IFNAR1: variants seen among roughly 807,000 people sequenced by gnomAD.
IFNAR1 encodes interferon alpha/beta receptor 1.
A neutral mutation model predicts 62.1 loss-of-function variants in IFNAR1; 47 were observed. The ratio of observed to expected loss-of-function variants is 0.76; its 90% confidence interval spans 0.60 to 0.97. The LOEUF (loss-of-function observed/expected upper bound fraction) is 0.97. Ranked by LOEUF, IFNAR1 falls within the 50% of genes least tolerant of loss-of-function variation. IFNAR1 has a pLI of 0.00. For missense variants in IFNAR1, 638 were observed against 654.5 expected (o/e 0.97, Z 0.27); for synonymous variants, 219 against 226.9 (o/e 0.97, Z 0.31).
At chr21:33,351,633 C>T (rs1266278698) in intron 8 of IFNAR1, among the ~76,000 whole-genome samples, 1 of 151,240 alleles carries the variant, frequency 6.6e-6, no homozygotes, top group Non-Finnish European at 1.5e-5. Flanking sequence ...ACTGCAGCCT[C>T]GACTTCCTGG....
At chr21:33,342,562 T>G (rs1348374228) in intron 3 of IFNAR1, among the ~76,000 whole-genome samples, 1 of 151,862 alleles carries the variant, frequency 6.6e-6, no homozygotes, top group Non-Finnish European at 1.5e-5. Context: ...CCACTCTTTT[T>G]GGCCAGGCGC....
rs746333531 is a variant in IFNAR1, at chr21:33,335,541, T to C, written c.94T>C (p.Ser32Pro). Residue 32 changes from serine (S) to proline (P), a missense_variant, in exon 2 of 11, where the codon TCT becomes CCT. Transcript: ENST00000270139. ...TTTTATAGGTGGAAAAAATCTAAAA[T>C]CTCCTCAAAAAGTAGAGGTCGACAT... The part of the protein sequence containing the change: ...SAAAGGKNLK[S>P]PQKVEVDIID... 6.3e-7 allele frequency: 1 copy of C among 1,594,596 alleles called. No homozygotes were observed. The highest frequency in any genetic ancestry group is 1.1e-5 in the South Asian group (1 of 88,470).
At chr21:33,333,258 G>C (rs1482562865) in intron 1 of IFNAR1, among the ~76,000 whole-genome samples, 2 of 152,188 alleles carry the variant, frequency 1.3e-5, no homozygotes, top group African/African-American at 4.8e-5. Flanking sequence ...GAATGAGGGA[G>C]AAATACAGTT....
intron 3 of IFNAR1, among the ~76,000 whole-genome samples, chr21:33,342,580 C>T (rs1049920778): frequency 5.9e-5 from 9 of 151,902 alleles, no homozygotes; most frequent in South Asian, 2.1e-4. Context: ...CGCGGTGGCT[C>T]ACGCCTGTAA....
At position 33,342,503 on chromosome 21, in the gene IFNAR1, A is replaced by G. The variant is rs140780599; in HGVS notation, c.377-765A>G. Among the ~76,000 whole-genome samples the G allele has an allele frequency of 1.1e-3, 170 of 152,110 alleles. 1 individual carries two copies. The highest frequency in any genetic ancestry group is 3.9e-3 in the African/African-American group (161 of 41,494). On this transcript the variant is annotated intron_variant, in intron 3 of 10. Coordinates refer to ENST00000270139, the MANE Select transcript of IFNAR1 (RefSeq NM_000629.3). ...ACTCCCTTTCTATACTAATCTTCCA[A>G]TTCCCTGTCAGCCCTCTCCATTCAA...
chr21:33,335,393 T>C, intron 1 of IFNAR1, 131 bp from the exon 2 acceptor site: 1 of 510,480 alleles, frequency 2.0e-6, no homozygotes, highest in South Asian at 4.9e-5. Flanking sequence ...TTAGTTTTTT[T>C]AGATTTTTAA....
chr21:33,352,869 A>C lies in IFNAR1; in HGVS notation c.1255A>C (p.Ser419Arg). The C allele has an allele frequency of 6.2e-7, 1 of 1,602,300 alleles. No individual in the cohort carries two copies. The highest frequency in any genetic ancestry group is 8.5e-7 in the Non-Finnish European group (1 of 1,171,948). The change falls in exon 9 of 11, where the codon AGT (serine) becomes CGT (arginine). Residue 419 changes from serine (S) to arginine (R), a missense_variant. Ser to Arg is a moderately radical substitution (Grantham distance 110). Coordinates refer to ENST00000270139, the MANE Select transcript of IFNAR1 (RefSeq NM_000629.3). The stretch of plus-strand genomic sequence containing the variant: ...CATGGATGAAAAGCTGAATAAAAGC[A>C]GTGTTTTTAGTGACGCTGTATGTGA... ...HTMDEKLNKS[S>R]VFSDAVCEKT...
chr21:33,340,607 T>A (rs2083284528), intron 2 of IFNAR1, among the ~76,000 whole-genome samples: 1 of 151,860 alleles, frequency 6.6e-6, no homozygotes, highest in Non-Finnish European at 1.5e-5. Context: ...GAAGATAAGA[T>A]CCAGAAACAC....
At position 33,352,837 on chromosome 21, in the gene IFNAR1, C is replaced by T. The variant is rs780837052; in HGVS notation, c.1223C>T (p.Ala408Val). The change falls in exon 9 of 11, where the codon GCA (alanine) becomes GTA (valine). Residue 408 changes from alanine to valine, a missense_variant. Ala to Val is a moderately conservative substitution (Grantham distance 64). Coordinates refer to ENST00000270139, the MANE Select transcript of IFNAR1 (RefSeq NM_000629.3). ...PLTVYCVKAR[A>V]HTMDEKLNKS... ...ACTGTATATTGTGTGAAAGCCAGAG[C>T]ACACACCATGGATGAAAAGCTGAAT... The T allele has an allele frequency of 4.4e-6, 7 of 1,605,378 alleles. No homozygotes were observed. The African/African-American group carries it at 9.4e-5, about 21-fold the overall frequency.
At position 33,325,229 on chromosome 21, in the gene IFNAR1, G is replaced by C. The variant is rs572532330; in HGVS notation, c.76+98G>C. On this transcript the variant is annotated intron_variant, in intron 1 of 10. Coordinates refer to ENST00000270139, the MANE Select transcript of IFNAR1 (RefSeq NM_000629.3). ...TGCTGTTGGGGGCGACAGACGCCCA[G>C]TCTGGGAAACCTTCGGTCCACTTTG... The C allele has an allele frequency of 9.4e-4, 994 of 1,056,152 alleles. 1 individual carries two copies. The highest frequency in any genetic ancestry group is 1.0e-3 in the Non-Finnish European group (708 of 704,748). The allele number at this position is 1,056,152 out of a possible 1,614,324, so 65.4% of individuals were successfully genotyped here. A position where few individuals can be genotyped will look rare whatever the true frequency, so the allele number is the denominator to read the frequency against.
chr21:33,336,463 G>A (rs1171519664), intron 2 of IFNAR1, among the ~76,000 whole-genome samples: 1 of 148,228 alleles, frequency 6.7e-6, no homozygotes, highest in Non-Finnish European at 1.5e-5. Flanking sequence ...TGGGTCAAAT[G>A]GTATTTCTAG....
At chr21:33,329,940 G>A (rs2083160034) in intron 1 of IFNAR1, among the ~76,000 whole-genome samples, 1 of 152,200 alleles carries the variant, frequency 6.6e-6, no homozygotes, top group Non-Finnish European at 1.5e-5. Context: ...TCCTCACCTA[G>A]ACAAGAATTG....
chr21:33,338,984 C>T (rs1470923732), intron 2 of IFNAR1, among the ~76,000 whole-genome samples: 1 of 151,968 alleles, frequency 6.6e-6, no homozygotes, highest in African/African-American at 2.4e-5. Flanking sequence ...TCAAGTGATC[C>T]ACCCCCCTCG....
At chr21:33,324,869 GAAC>G (rs1235433706), upstream of IFNAR1, 7 of 590,136 alleles carry the variant, frequency 1.2e-5, no homozygotes, top group Admixed American at 2.9e-5. Flanking sequence ...GTGCGTGGAG[GAAC>G]GGCGCGTGCG....
At chr21:33,332,242 A>C (rs1369886849) in intron 1 of IFNAR1, among the ~76,000 whole-genome samples, 1 of 152,070 alleles carries the variant, frequency 6.6e-6, no homozygotes, top group African/African-American at 2.4e-5. Flanking sequence ...ACTGCCACAA[A>C]CTTCTGCAGC....
chr21:33,329,152 G>A (rs1192833368), intron 1 of IFNAR1, among the ~76,000 whole-genome samples: 1 of 151,992 alleles, frequency 6.6e-6, no homozygotes, highest in Non-Finnish European at 1.5e-5. Context: ...TCTCCCTGAG[G>A]AAATCACTAG....
chr21:33,331,244 C>G (rs1019176325), intron 1 of IFNAR1, among the ~76,000 whole-genome samples: 1 of 152,202 alleles, frequency 6.6e-6, no homozygotes, highest in Non-Finnish European at 1.5e-5. Context: ...ACTACCTTGG[C>G]CACCCAGAGC....
chr21:33,330,518 A>G lies in IFNAR1; in HGVS notation c.77-5006A>G, dbSNP rs932271867. Among the ~76,000 whole-genome samples, 5 of 152,304 alleles carry G rather than the reference A, an allele frequency of 3.3e-5. No individual in the cohort carries two copies. The South Asian group carries it at 1.0e-3, about 32-fold the overall frequency. ...GATCCTTGGCACAGGATTAACAACAATTACACAGCAATTAAACAAAGCAAA... is the reference window on the plus strand; with the variant it reads ...GATCCTTGGCACAGGATTAACAACAGTTACACAGCAATTAAACAAAGCAAA... On this transcript the variant is annotated intron_variant, in intron 1 of 10. Coordinates refer to ENST00000270139, the MANE Select transcript of IFNAR1 (RefSeq NM_000629.3).
intron 3 of IFNAR1, among the ~76,000 whole-genome samples, chr21:33,342,736 A>C (rs1027080029): frequency 6.6e-6 from 1 of 150,636 alleles, no homozygotes; most frequent in Non-Finnish European, 1.5e-5. Flanking sequence ...GGGAGCCTGT[A>C]GTCCCAGCTA....
Sources: allele counts gnomAD v4.1 joint callset (sites outside exome capture counted in the v4.1 genomes callset), GRCh38; gene constraint gnomAD v4.1.1; transcripts MANE v1.5; gene names NCBI Gene and HGNC (gene_info 2026-07-23, HGNC 2026-07-21).